The following TYW1 variants were observed in gnomAD, a reference collection of about 807,000 sequenced individuals.
The protein encoded by TYW1 is tRNA-yW synthesizing protein 1 homolog, also known as S-adenosyl-L-methionine-dependent tRNA 4-demethylwyosine synthase TYW1.
TYW1 carries 46 observed loss-of-function variants against 96.2 expected under a neutral mutation model. The observed-to-expected ratio is 0.48, with a 90% CI of 0.38 to 0.61. The LOEUF is 0.61. TYW1 is among the 20% of genes least tolerant of loss of function. The pLI, the probability that TYW1 is intolerant of heterozygous loss-of-function variation, is 0.00. For missense variants in TYW1, 684 were observed against 909.6 expected (o/e 0.75, Z 3.19); for synonymous variants, 274 against 323.0 (o/e 0.85, Z 1.63).
intron 6 of TYW1, among the ~76,000 whole-genome samples, chr7:67,020,996 C>T (rs1794236965): frequency 6.6e-6 from 1 of 152,274 alleles, no homozygotes; most frequent in South Asian, 2.1e-4. Flanking sequence ...TCACTGCACT[C>T]CAGCCTGGGT....
intron 14 of TYW1, 41 bp downstream of exon 14, chr7:67,183,277 A>C: frequency 6.4e-7 from 1 of 1,561,800 alleles, no homozygotes; most frequent in Non-Finnish European, 8.7e-7. Context: ...TGGAGTGACA[A>C]AGAATCGTGG....
intron 11 of TYW1, among the ~76,000 whole-genome samples, chr7:67,087,721 T>C (rs1796592800): frequency 6.6e-6 from 1 of 152,198 alleles, no homozygotes; most frequent in Non-Finnish European, 1.5e-5. Context: ...TATTTGTGCA[T>C]TGATGTTCTT....
At chr7:67,172,161 G>A (rs1374193146) in intron 13 of TYW1, among the ~76,000 whole-genome samples, 1 of 150,716 alleles carries the variant, frequency 6.6e-6, no homozygotes, top group Non-Finnish European at 1.5e-5. Context: ...GCTTTCTTTT[G>A]TTTTTAACTA....
chr7:67,109,371 A>G (rs1163340541), intron 12 of TYW1, among the ~76,000 whole-genome samples: 1 of 152,054 alleles, frequency 6.6e-6, no homozygotes, highest in Non-Finnish European at 1.5e-5. Context: ...GAAATAGCAG[A>G]GCACAGACCT....
intron 13 of TYW1, among the ~76,000 whole-genome samples, chr7:67,143,192 T>C (rs1798503943): frequency 6.6e-6 from 1 of 152,216 alleles, no homozygotes; most frequent in Admixed American, 6.5e-5. Context: ...GCGTAGTATA[T>C]TTCAAGTTCT....
intron 13 of TYW1, among the ~76,000 whole-genome samples, chr7:67,128,861 G>T (rs1318006167): frequency 6.6e-6 from 1 of 151,898 alleles, no homozygotes; most frequent in African/African-American, 2.4e-5. Flanking sequence ...ACTAATTTTT[G>T]TATTTTTACT....
intron 4 of TYW1, among the ~76,000 whole-genome samples, chr7:67,013,105 T>TTTTTC (rs1258800280): frequency 1.1e-4 from 17 of 150,736 alleles, no homozygotes; most frequent in South Asian, 4.2e-4. Flanking sequence ...CTCTCTGTAT[T>TTTTTC]TTTTCTTTTC....
intron 9 of TYW1, among the ~76,000 whole-genome samples, chr7:67,057,189 A>G (rs1795546710): frequency 6.6e-6 from 1 of 151,034 alleles, no homozygotes; most frequent in South Asian, 2.1e-4. Flanking sequence ...TAATTTTTCT[A>G]TTTTTAGTAG....
chr7:67,047,874 G>A (rs1243234266), intron 7 of TYW1, among the ~76,000 whole-genome samples: 2 of 138,142 alleles, frequency 1.4e-5, no homozygotes, highest in African/African-American at 2.7e-5. Flanking sequence ...CGTAACCTCC[G>A]CCTCCCGGGT....
intron 12 of TYW1, among the ~76,000 whole-genome samples, chr7:67,108,962 T>A (rs1014082216): frequency 1.3e-5 from 2 of 152,032 alleles, no homozygotes; most frequent in Admixed American, 1.3e-4. Context: ...CAAAAAGAAG[T>A]TACAGTGAAA....
intron 1 of TYW1, among the ~76,000 whole-genome samples, 173 bp downstream of exon 1, chr7:66,997,155 C>T (rs3807433): frequency 0.15 from 22,404 of 152,252 alleles, 2,035 homozygotes; most frequent in Admixed American, 0.27. Context: ...TACTTTTGAC[C>T]TGGCTTTTGC....
chr7:67,027,041 A>AT (rs1482639928), intron 7 of TYW1, among the ~76,000 whole-genome samples: 1 of 152,062 alleles, frequency 6.6e-6, no homozygotes, highest in African/African-American at 2.4e-5. Context: ...TCTACAAGAA[A>AT]TAAAAAAAAT....
At chr7:67,002,856 CTTTT>C (rs547425705) in intron 3 of TYW1, among the ~76,000 whole-genome samples, 1 of 110,878 alleles carries the variant, frequency 9.0e-6, no homozygotes. Context: ...TTTCTTTTTT[CTTTT>C]TTTTTTTTTT....
intron 9 of TYW1, among the ~76,000 whole-genome samples, chr7:67,063,672 C>T (rs6975602): frequency 0.29 from 43,634 of 151,378 alleles, 6,419 homozygotes; most frequent in Middle Eastern, 0.35. Context: ...GGCGCGATCT[C>T]GGCTCACTGC....
intron 15 of TYW1, among the ~76,000 whole-genome samples, chr7:67,209,066 G>A (rs1189977651): frequency 6.6e-6 from 1 of 152,194 alleles, no homozygotes; most frequent in African/African-American, 2.4e-5. Context: ...TTAGTGGCTA[G>A]GATAGTAAGT....
chr7:67,190,652 T>C (rs1422567133), intron 14 of TYW1, among the ~76,000 whole-genome samples: 2 of 152,208 alleles, frequency 1.3e-5, no homozygotes, highest in Admixed American at 1.3e-4. Flanking sequence ...TGATGGTCCA[T>C]TGTTAGCGCA....
chr7:67,106,437 A>T (rs1239611278), intron 12 of TYW1, among the ~76,000 whole-genome samples: 2 of 139,804 alleles, frequency 1.4e-5, no homozygotes, highest in South Asian at 4.6e-4. Context: ...CATTTCTTAT[A>T]TATAGCTCCA....
intron 12 of TYW1, among the ~76,000 whole-genome samples, chr7:67,099,020 T>G (rs192707315): frequency 2.1e-5 from 3 of 139,900 alleles, no homozygotes; most frequent in Admixed American, 7.0e-5. Context: ...TTATTTTATT[T>G]TATTATTATT....
intron 3 of TYW1, 146 bp from the exon 4 acceptor site, chr7:67,009,437 G>C: frequency 1.5e-6 from 1 of 672,898 alleles, no homozygotes; most frequent in Admixed American, 3.0e-5. Flanking sequence ...GTAAGAGTGA[G>C]GATAGAATTT....
Sources: allele counts gnomAD v4.1 joint callset (sites outside exome capture counted in the v4.1 genomes callset), GRCh38; gene constraint gnomAD v4.1.1; transcripts MANE v1.5; gene names NCBI Gene and HGNC (gene_info 2026-07-23, HGNC 2026-07-21).